The following CPNE2 variants were observed in gnomAD, a reference collection of about 807,000 sequenced individuals.
The protein encoded by CPNE2 is copine-2.
In CPNE2, 42 loss-of-function variants were observed where a neutral mutation model predicts 69.7. The ratio of observed to expected loss-of-function variants is 0.60; its 90% confidence interval spans 0.47 to 0.78. The LOEUF (loss-of-function observed/expected upper bound fraction) is 0.78. Ranked by LOEUF, CPNE2 falls within the 30% of genes least tolerant of loss-of-function variation. CPNE2 has a pLI of 0.00. For missense variants in CPNE2, 587 were observed against 732.0 expected, an observed-to-expected ratio of 0.80 and a Z score of 2.29; for synonymous variants, 294 against 289.8, an observed-to-expected ratio of 1.01 and a Z score of -0.15.
intron 10 of CPNE2, chr16:57,124,890 G>A (rs528366016): frequency 8.6e-6 from 2 of 231,828 alleles, no homozygotes; most frequent in East Asian, 1.0e-4. Context: ...CCTCCTGCAC[G>A]AGTTTGTTCA....
chr16:57,119,481 C>T lies in CPNE2; in HGVS notation c.592-80C>T, dbSNP rs939768611. 6.2e-6 allele frequency: 8 copies of T among 1,281,992 alleles called. 1 individual carries two copies. In the East Asian group the frequency reaches 7.2e-5, roughly 12 times the overall value. The allele number at this position is 1,281,992 out of a possible 1,614,324, so 79.4% of individuals were successfully genotyped here. On this transcript the variant is annotated intron_variant, in intron 6 of 15. Transcript: ENST00000290776. ...TGGCTGTGGGTCTGCATTTTGTCACCCTGTCCCCATTGGGCTGACCCAACC... is the reference window on the plus strand; with the variant it reads ...TGGCTGTGGGTCTGCATTTTGTCACTCTGTCCCCATTGGGCTGACCCAACC...
chr16:57,146,388 C>A lies in CPNE2; in HGVS notation c.1539+67C>A. On this transcript the variant is annotated intron_variant, in intron 15 of 15. Coordinates refer to ENST00000290776, the MANE Select transcript of CPNE2 (RefSeq NM_152727.6). This position sits in a 1 kb window ranked among gnomAD's most constrained non-coding sequence, Gnocchi z 4.4. Reference sequence around the variant, plus strand: ...CCAGCCACCATAGCTCATAATCAAGCTTGAGAGTCTTGGGGTTGTCTGGCC... The same window carrying A: ...CCAGCCACCATAGCTCATAATCAAGATTGAGAGTCTTGGGGTTGTCTGGCC... 1 of 1,338,776 alleles carries A rather than the reference C, an allele frequency of 7.5e-7. No individual in the cohort carries two copies. The highest frequency in any genetic ancestry group is 1.4e-5 in the South Asian group (1 of 70,916). The allele number at this position is 1,338,776 out of a possible 1,614,324, so 82.9% of individuals were successfully genotyped here. A position where few individuals can be genotyped will look rare whatever the true frequency, so the allele number is the denominator to read the frequency against.
At chr16:57,145,991 T>C in intron 14 of CPNE2, 94 bp from the exon 15 acceptor site, 1 of 1,090,054 alleles carries the variant, frequency 9.2e-7, no homozygotes, top group African/African-American at 1.5e-5. Flanking sequence ...ACTGCCTTCC[T>C]CCAGGACTCG....
intron 1 of CPNE2, among the ~76,000 whole-genome samples, chr16:57,095,080 G>A (rs1052626279): frequency 1.3e-5 from 2 of 152,140 alleles, no homozygotes; most frequent in Non-Finnish European, 2.9e-5. Context: ...TGGGGCTACC[G>A]AATCAGGAGC....
chr16:57,098,405 C>CG (rs1458711930), intron 1 of CPNE2, among the ~76,000 whole-genome samples: 1 of 152,222 alleles, frequency 6.6e-6, no homozygotes, highest in African/African-American at 2.4e-5. Flanking sequence ...GCCTGCTCCC[C>CG]GGGGGCTGCC....
At chr16:57,118,459 C>T (rs1178765653) in intron 5 of CPNE2, among the ~76,000 whole-genome samples, 1 of 152,014 alleles carries the variant, frequency 6.6e-6, no homozygotes, top group Non-Finnish European at 1.5e-5. Flanking sequence ...AGGCTTGAGC[C>T]ACCATGCCTG....
At chr16:57,147,237 C>T (rs1217966091) in intron 15 of CPNE2, 2 of 271,734 alleles carry the variant, frequency 7.4e-6, no homozygotes, top group Non-Finnish European at 1.4e-5. Context: ...AGAAGGTGCT[C>T]AGGAGATGTT....
chr16:57,117,425 G>A, intron 4 of CPNE2, 71 bp from the exon 5 acceptor site: 2 of 1,512,750 alleles, frequency 1.3e-6, no homozygotes, highest in South Asian at 1.2e-5. Context: ...TGCTCCTGGG[G>A]CACCCTGTGC....
chr16:57,145,489 C>T (rs1283547037), intron 14 of CPNE2, among the ~76,000 whole-genome samples: 4 of 151,886 alleles, frequency 2.6e-5, no homozygotes, highest in South Asian at 4.1e-4. Flanking sequence ...CTGGCCCAGA[C>T]GACCTGCTTT....
At chr16:57,127,750 C>G (rs2069810729) in intron 11 of CPNE2, 99 bp from the exon 12 acceptor site, 1 of 1,209,692 alleles carries the variant, frequency 8.3e-7, no homozygotes, top group African/African-American at 1.6e-5. Flanking sequence ...CCTTTCTGTC[C>G]TTGGAAGTGT....
intron 1 of CPNE2, among the ~76,000 whole-genome samples, chr16:57,105,354 G>A (rs1446927497): frequency 1.3e-5 from 2 of 152,184 alleles, no homozygotes; most frequent in Non-Finnish European, 2.9e-5. Context: ...CAATGTCCAA[G>A]CCTGTCCTGC....
At chr16:57,137,670 G>A (rs1337837522) in intron 14 of CPNE2, among the ~76,000 whole-genome samples, 6 of 152,182 alleles carry the variant, frequency 3.9e-5, no homozygotes, top group Non-Finnish European at 7.3e-5. Flanking sequence ...ACTGAGGGCT[G>A]CTGAACTGTC....
Position 57,123,491 on chromosome 16 carries a change from G to T in CPNE2, c.927+18G>T. The T allele has an allele frequency of 6.2e-7, 1 of 1,612,226 alleles. No homozygotes were observed. Among genetic ancestry groups the T allele is most frequent in the Non-Finnish European group, 8.5e-7 (1 of 1,179,768 alleles). On this transcript the variant is annotated intron_variant, in intron 10 of 15. Transcript: ENST00000290776. Reference sequence around the variant, plus strand: ...TGTTCACCGTAAGGCTCTCCCCGCTGGCTCCCTCTGCACCCCCATCCCAGT... The same window carrying T: ...TGTTCACCGTAAGGCTCTCCCCGCTTGCTCCCTCTGCACCCCCATCCCAGT...
intron 2 of CPNE2, among the ~76,000 whole-genome samples, chr16:57,111,419 C>A (rs4408532): frequency 0.17 from 26,499 of 152,200 alleles, 3,025 homozygotes; most frequent in Middle Eastern, 0.3. Flanking sequence ...CTCAAGCAAT[C>A]CACCTGCCTC....
chr16:57,139,121 T>C (rs2069903823), intron 14 of CPNE2, among the ~76,000 whole-genome samples: 1 of 152,208 alleles, frequency 6.6e-6, no homozygotes, highest in Admixed American at 6.5e-5. Context: ...CCCGAGCATT[T>C]GGGGATCAGA....
At chr16:57,135,998 G>A (rs1397821471) in intron 13 of CPNE2, among the ~76,000 whole-genome samples, 2 of 145,146 alleles carry the variant, frequency 1.4e-5, no homozygotes, top group Non-Finnish European at 3.0e-5. Context: ...GAGGAAGGAA[G>A]GAAGGAAAGG....
At chr16:57,121,597 G>C (rs989528765) in intron 8 of CPNE2, 77 bp from the exon 9 acceptor site, 1 of 1,408,384 alleles carries the variant, frequency 7.1e-7, no homozygotes, top group Admixed American at 1.7e-5. Context: ...CCTGTGGAAG[G>C]GATTCTAGGG....
rs548411246 is a variant in CPNE2 at position 57,115,394 on chromosome 16, T to G, written c.361-82T>G. ...CGGGGTGCAGCCCTGCCAAGAGGAT[T>G]TTTCCGGTGCCGGTGGAGGATTTTT... On this transcript the variant is annotated intron_variant, in intron 3 of 15. Coordinates refer to ENST00000290776, the MANE Select transcript of CPNE2 (RefSeq NM_152727.6). 3.6e-5 allele frequency: 42 copies of G among 1,172,294 alleles called. No homozygotes were observed. The South Asian group carries it at 5.2e-4, about 15-fold the overall frequency. The allele number at this position is 1,172,294 out of a possible 1,614,324, so 72.6% of individuals were successfully genotyped here.
rs201563361 is a variant in CPNE2 at position 57,125,929 on chromosome 16, A to T, written c.997A>T (p.Met333Leu). Reference protein sequence around the residue: ...DPSSLHYINPMGTNEYLSAIW... With the variant: ...DPSSLHYINPLGTNEYLSAIW... ...TTCCTCTTTGCACTATATCAACCCT[A>T]TGGGCACCAACGAATATCTGTCGGC... is the stretch of plus-strand genomic sequence containing the variant. The change falls in exon 11 of 16, where the codon ATG becomes TTG. Residue 333 changes from methionine to leucine, a missense_variant. Met to Leu is a conservative substitution (Grantham distance 15). Transcript: ENST00000290776. The T allele has an allele frequency of 8.1e-6, 13 of 1,614,030 alleles. No individual in the cohort carries two copies. The South Asian group carries it at 1.4e-4, about 18-fold the overall frequency.
Sources: allele counts gnomAD v4.1 joint callset (sites outside exome capture counted in the v4.1 genomes callset), GRCh38; gene constraint gnomAD v4.1.1; non-coding constraint Gnocchi (gnomAD v3.1); transcripts MANE v1.5; gene names NCBI Gene and HGNC (gene_info 2026-07-23, HGNC 2026-07-21).